FARS2: variants seen among roughly 807,000 people sequenced by gnomAD.
The protein encoded by FARS2 is phenylalanyl-tRNA synthetase 2, mitochondrial, also known as phenylalanine--tRNA ligase, mitochondrial.
In FARS2, 40 loss-of-function variants were observed where a neutral mutation model predicts 46.4. The observed-to-expected ratio is 0.86, with a 90% CI of 0.67 to 1.12. The LOEUF (loss-of-function observed/expected upper bound fraction) is 1.12, where lower values mean the gene tolerates loss of function less well. FARS2 is among the 50% of genes most tolerant of loss of function. FARS2 has a pLI of 0.00. For missense variants in FARS2, 513 were observed against 567.9 expected (o/e 0.90, Z 0.98); for synonymous variants, 234 against 214.9 (o/e 1.09, Z -0.78).
intron 1 of FARS2, among the ~76,000 whole-genome samples, chr6:5,298,365 C>A (rs1768046497): frequency 6.6e-6 from 1 of 152,166 alleles, no homozygotes; most frequent in African/African-American, 2.4e-5. Flanking sequence ...GTCCTCAGCC[C>A]CACTCCTGGG....
chr6:5,751,633 C>T (rs1041864648), intron 6 of FARS2, among the ~76,000 whole-genome samples: 1 of 152,174 alleles, frequency 6.6e-6, no homozygotes, highest in Non-Finnish European at 1.5e-5. Flanking sequence ...AGGGGTGGGC[C>T]TAGTGGAAGC....
In FARS2 at chr6:5,459,910, C is replaced by T. The variant is rs936851688; in HGVS notation, c.904+28738C>T. Among the ~76,000 whole-genome samples, 12 of 152,238 alleles carry T rather than the reference C, an allele frequency of 7.9e-5. No homozygotes were observed. In the East Asian group the frequency reaches 1.5e-3, roughly 20 times the overall value. Reference sequence around the variant, plus strand: ...GTATTGCTGCTCCTTGATTTCTTTCCGCTTTAAATATTCTCCTTTGACCAT... The same window carrying T: ...GTATTGCTGCTCCTTGATTTCTTTCTGCTTTAAATATTCTCCTTTGACCAT... On this transcript the variant is annotated intron_variant, in intron 4 of 6. Coordinates refer to ENST00000274680, the MANE Select transcript of FARS2 (RefSeq NM_006567.5).
chr6:5,504,465 A>G (rs930718278), intron 4 of FARS2, among the ~76,000 whole-genome samples: 1 of 150,808 alleles, frequency 6.6e-6, no homozygotes, highest in African/African-American at 2.4e-5. Flanking sequence ...AAAAGAATTG[A>G]GAACATTTTC....
At chr6:5,562,453 CAT>C (rs1222843317) in intron 5 of FARS2, among the ~76,000 whole-genome samples, 2 of 152,112 alleles carry the variant, frequency 1.3e-5, no homozygotes, top group African/African-American at 4.8e-5. Context: ...AGCATGAACT[CAT>C]AGCAGCATCA....
At chr6:5,713,300 T>C (rs1759294789) in intron 6 of FARS2, among the ~76,000 whole-genome samples, 1 of 152,242 alleles carries the variant, frequency 6.6e-6, no homozygotes, top group Non-Finnish European at 1.5e-5. Flanking sequence ...AGTAATACAG[T>C]ACCCAGTTCT....
intron 6 of FARS2, among the ~76,000 whole-genome samples, chr6:5,717,935 T>TATATATAGAGAGAGAGAGAGAG (rs546191530): frequency 7.4e-6 from 1 of 135,630 alleles, no homozygotes; most frequent in African/African-American, 3.1e-5. Flanking sequence ...TATATATATA[T>TATATATAGAGAGAGAGAGAGAG]ACAGAGTCTC....
chr6:5,370,237 C>T (rs1758969382), intron 2 of FARS2, among the ~76,000 whole-genome samples: 1 of 152,052 alleles, frequency 6.6e-6, no homozygotes, highest in African/African-American at 2.4e-5. Flanking sequence ...ACAGGACTGC[C>T]CTCCCCTTCT....
intron 5 of FARS2, among the ~76,000 whole-genome samples, chr6:5,578,812 A>G (rs1582494733): frequency 1.0e-4 from 2 of 19,048 alleles, no homozygotes; most frequent in East Asian, 3.5e-3. Flanking sequence ...CCGTCTCAAA[A>G]AAAAAAAAAA....
At chr6:5,459,502 C>A (rs547865959) in intron 4 of FARS2, among the ~76,000 whole-genome samples, 1 of 152,152 alleles carries the variant, frequency 6.6e-6, no homozygotes, top group East Asian at 1.9e-4. Flanking sequence ...AGTGACCCAG[C>A]CACCTTTGTG....
intron 6 of FARS2, among the ~76,000 whole-genome samples, chr6:5,646,879 TCCATGGATATGGAAC>T (rs1777107933): frequency 6.6e-6 from 1 of 152,220 alleles, no homozygotes; most frequent in African/African-American, 2.4e-5. Flanking sequence ...GTTGGTTGAA[TCCATGGATATGGAAC>T]CCATGGATAT....
intron 6 of FARS2, among the ~76,000 whole-genome samples, chr6:5,617,986 G>A (rs992117664): frequency 2.0e-5 from 3 of 152,172 alleles, no homozygotes; most frequent in Non-Finnish European, 4.4e-5. Flanking sequence ...CTAGGGCAAG[G>A]GCTGACCAGA....
chr6:5,646,126 A>C (rs1777062169), intron 6 of FARS2, among the ~76,000 whole-genome samples: 1 of 147,744 alleles, frequency 6.8e-6, no homozygotes, highest in African/African-American at 2.7e-5. Context: ...AGCAGCAGGG[A>C]GATAAGAGAG....
At chr6:5,443,969 G>A (rs1763986782) in intron 4 of FARS2, among the ~76,000 whole-genome samples, 1 of 152,138 alleles carries the variant, frequency 6.6e-6, no homozygotes, top group Non-Finnish European at 1.5e-5. Context: ...AGAAGCCACT[G>A]AAATAGTTTC....
chr6:5,639,756 G>A (rs746163499), intron 6 of FARS2, among the ~76,000 whole-genome samples: 3 of 152,154 alleles, frequency 2.0e-5, no homozygotes, highest in African/African-American at 4.8e-5. Context: ...ACAACACTTC[G>A]TTGATGACCA....
In FARS2 at chr6:5,464,643, A is replaced by G. The variant is rs539014274; in HGVS notation, c.904+33471A>G. 2.6e-5 allele frequency among the ~76,000 whole-genome samples: 4 copies of G among 152,136 alleles called. No individual in the cohort carries two copies. The East Asian group carries it at 7.7e-4, about 29-fold the overall frequency. ...TATTAGATACCTATTTTCCTCTTTC[A>G]TTTATAAGCTCGTATAGTACTGGGA... is the stretch of plus-strand genomic sequence containing the variant. On this transcript the variant is annotated intron_variant, in intron 4 of 6. Coordinates refer to ENST00000274680, the MANE Select transcript of FARS2 (RefSeq NM_006567.5).
At chr6:5,552,151 T>G (rs1227368270) in intron 5 of FARS2, among the ~76,000 whole-genome samples, 1 of 152,200 alleles carries the variant, frequency 6.6e-6, no homozygotes. Context: ...AAGGATAGTA[T>G]TAAAGTGTTA....
intron 6 of FARS2, among the ~76,000 whole-genome samples, chr6:5,742,139 G>A (rs1761382372): frequency 6.6e-6 from 1 of 152,084 alleles, no homozygotes; most frequent in Non-Finnish European, 1.5e-5. Flanking sequence ...GTCAGCTTTT[G>A]CCCCAGGATT....
chr6:5,290,390 A>C (rs1490868887), intron 1 of FARS2, among the ~76,000 whole-genome samples: 1 of 152,232 alleles, frequency 6.6e-6, no homozygotes, highest in African/African-American at 2.4e-5. Flanking sequence ...TACCTCTGAG[A>C]TTGCAAACTC....
At chr6:5,259,776 CAGAG>C (rs1581620287), upstream of FARS2, among the ~76,000 whole-genome samples, 1 of 151,852 alleles carries the variant, frequency 6.6e-6, no homozygotes, top group African/African-American at 2.4e-5. Flanking sequence ...GGCTCAAACT[CAGAG>C]AGAGACAGGT....
Sources: allele counts gnomAD v4.1 joint callset (sites outside exome capture counted in the v4.1 genomes callset), GRCh38; gene constraint gnomAD v4.1.1; transcripts MANE v1.5; gene names NCBI Gene and HGNC (gene_info 2026-07-23, HGNC 2026-07-21).